RBM4: variants seen among roughly 807,000 people sequenced by gnomAD.
RBM4 encodes the protein RNA-binding protein 4.
Under a neutral mutation model 29.5 loss-of-function variants are expected in RBM4, and 7 were observed. The ratio of observed to expected loss-of-function variants is 0.24; its 90% CI spans 0.14 to 0.45. The LOEUF (loss-of-function observed/expected upper bound fraction) is 0.45, where lower values mean the gene tolerates loss of function less well. Among genes scored for constraint, RBM4 ranks in the 20% least tolerant of loss-of-function variants. The probability of loss-of-function intolerance (pLI) is 1.00; values close to 1 mark genes in which losing one functional copy is unlikely to be tolerated. For missense variants in RBM4, 387 were observed against 502.3 expected (o/e 0.77, Z 2.19); for synonymous variants, 220 against 205.4 (o/e 1.07, Z -0.61).
At chr11:66,655,879 T>A (rs934989681) in intron 2 of RBM4, among the ~76,000 whole-genome samples, 3 of 152,162 alleles carry the variant, frequency 2.0e-5, no homozygotes, top group South Asian at 2.1e-4. Context: ...ATTACTTTTT[T>A]AAAAAATCAG....
downstream of RBM4, among the ~76,000 whole-genome samples, chr11:66,647,066 G>T (rs566359056): frequency 1.1e-4 from 17 of 152,328 alleles, no homozygotes; most frequent in Admixed American, 1.1e-3. Context: ...AACATATGAG[G>T]CTTTAGATAC....
chr11:66,659,263 CTTTTTTT>C (rs767959263), intron 2 of RBM4, among the ~76,000 whole-genome samples: 2 of 67,308 alleles, frequency 3.0e-5, no homozygotes, highest in African/African-American at 5.9e-5. Flanking sequence ...CTTCTTGGTT[CTTTTTTT>C]TTTTTTTTTT....
chr11:66,664,510 G>A (rs1298450478), intron 2 of RBM4, among the ~76,000 whole-genome samples: 3 of 151,356 alleles, frequency 2.0e-5, no homozygotes, highest in African/African-American at 4.9e-5. Context: ...GTCCAGGCTG[G>A]AGTGCAATGG....
At chr11:66,657,546 C>T (rs1028085617) in intron 2 of RBM4, among the ~76,000 whole-genome samples, 11 of 151,126 alleles carry the variant, frequency 7.3e-5, no homozygotes, top group Non-Finnish European at 7.4e-5. Context: ...AGCCAGTTGT[C>T]GTGGTGCGCA....
chr11:66,640,175 A>T (rs1938375391), intron 2 of RBM4, 52 bp downstream of exon 2: 3 of 1,606,880 alleles, frequency 1.9e-6, no homozygotes, highest in Non-Finnish European at 2.6e-6. Flanking sequence ...TGTGCAGAAA[A>T]TGGTTGGATA....
exon 3 of RBM4, chr11:66,667,877 T>C (rs1189658671): frequency 1.3e-5 from 2 of 152,108 alleles, no homozygotes; most frequent in Non-Finnish European, 2.9e-5. Flanking sequence ...CCTGCTAATT[T>C]AATTTTCTTT....
chr11:66,661,406 T>C (rs1038639286), intron 2 of RBM4, among the ~76,000 whole-genome samples: 2 of 152,186 alleles, frequency 1.3e-5, no homozygotes, highest in African/African-American at 4.8e-5. Flanking sequence ...CTGGTCCATC[T>C]TGCAGGCAGC....
intron 2 of RBM4, among the ~76,000 whole-genome samples, chr11:66,664,333 A>T (rs1295998810): frequency 6.6e-5 from 10 of 151,322 alleles, no homozygotes; most frequent in Non-Finnish European, 8.8e-5. Flanking sequence ...TATTTTTAGT[A>T]GGGACAGGGT....
chr11:66,658,750 A>G (rs1473366227), intron 2 of RBM4, among the ~76,000 whole-genome samples: 1 of 152,042 alleles, frequency 6.6e-6, no homozygotes, highest in African/African-American at 2.4e-5. Context: ...CAGCCTGGCC[A>G]AGGTGGTGAA....
chr11:66,664,817 G>A (rs922372201), intron 2 of RBM4, among the ~76,000 whole-genome samples: 1 of 152,060 alleles, frequency 6.6e-6, no homozygotes, highest in African/African-American at 2.4e-5. Flanking sequence ...GGCTGGTCTT[G>A]AACTTCAGTG....
At chr11:66,668,306 ATGT>A in exon 3 of RBM4, 2 of 285,028 alleles carry the variant, frequency 7.0e-6, no homozygotes, top group South Asian at 7.2e-5. Flanking sequence ...CACATAACAA[ATGT>A]TAGATCTCTC....
rs1356657570 is a variant in RBM4, at chr11:66,666,076, C to T, written c.*111C>T. ...CAAGGGGTAGGATATCAAGGAGCAG[C>T]CAGTCATTCACCCAATTCCAACACA... On this transcript the variant is annotated 3_prime_UTR_variant, in exon 3 of 3. Transcript: ENST00000396053. 2.0e-6 allele frequency: 2 copies of T among 999,858 alleles called. 1 individual carries two copies. Among genetic ancestry groups the T allele is most frequent in the Non-Finnish European group, 2.9e-6 (2 of 698,000 alleles). The allele number at this position is 999,858 out of a possible 1,614,324, so 61.9% of individuals were successfully genotyped here. A position where few individuals can be genotyped will look rare whatever the true frequency, so the allele number is the denominator to read the frequency against.
chr11:66,647,558 G>A (rs1335886299), downstream of RBM4, among the ~76,000 whole-genome samples: 5 of 152,070 alleles, frequency 3.3e-5, no homozygotes, highest in East Asian at 5.8e-4. Flanking sequence ...TTGGAGGGTC[G>A]TACATACCTA....
chr11:66,647,361 C>T (rs2135074165), downstream of RBM4, among the ~76,000 whole-genome samples: 1 of 152,244 alleles, frequency 6.6e-6, no homozygotes, highest in South Asian at 2.1e-4. Context: ...TTAATTGTTT[C>T]CTCCTGTTAG....
intron 2 of RBM4, among the ~76,000 whole-genome samples, chr11:66,654,748 G>A (rs1447491421): frequency 1.4e-5 from 2 of 148,046 alleles, no homozygotes; most frequent in African/African-American, 2.5e-5. Context: ...GAACTCCTGC[G>A]CTTAAGTGAT....
At chr11:66,658,113 C>G (rs1411305626) in intron 2 of RBM4, among the ~76,000 whole-genome samples, 2 of 151,854 alleles carry the variant, frequency 1.3e-5, no homozygotes, top group African/African-American at 4.8e-5. Context: ...AGTGCAACCT[C>G]TGCCTCCTGG....
intron 1 of RBM4, chr11:66,638,966 G>A (rs1938309265): frequency 6.6e-6 from 1 of 150,940 alleles, no homozygotes; most frequent in South Asian, 2.1e-4. Flanking sequence ...CCTGTCCCGC[G>A]CCCGACATGG....
At chr11:66,641,602 G>A (rs1938467259) in intron 2 of RBM4, among the ~76,000 whole-genome samples, 1 of 152,148 alleles carries the variant, frequency 6.6e-6, no homozygotes, top group South Asian at 2.1e-4. Context: ...TAGCAGTTAG[G>A]TTTAAGGAGA....
At chr11:66,666,376 G>A in exon 3 of RBM4, 1 of 996,156 alleles carries the variant, frequency 1.0e-6, no homozygotes, top group Non-Finnish European at 1.2e-6. Context: ...CTGCTAGGGT[G>A]AGACCCGAAT....
Sources: allele counts gnomAD v4.1 joint callset (sites outside exome capture counted in the v4.1 genomes callset), GRCh38; gene constraint gnomAD v4.1.1; transcripts MANE v1.5; gene names NCBI Gene and HGNC (gene_info 2026-07-23, HGNC 2026-07-21).